The following DACH2 variants were observed in gnomAD, a reference collection of about 807,000 sequenced individuals.
The protein encoded by DACH2 is dachshund homolog 2.
In DACH2, 17 loss-of-function variants were observed where a neutral mutation model predicts 35.8. That is an observed-to-expected ratio of 0.48 (90% confidence interval 0.33 to 0.71). DACH2 has a LOEUF of 0.71. DACH2 is among the 30% of genes least tolerant of loss of function. The pLI is 0.02. For synonymous variants in DACH2, 195 were observed against 177.3 expected (o/e 1.10, Z -0.79); for missense variants, 469 against 472.7 (o/e 0.99, Z 0.07).
At chrX:86,435,387 C>T in intron 2 of DACH2, among the ~76,000 whole-genome samples, 1 of 111,891 alleles carries the variant, frequency 8.9e-6, no homozygotes, top group Non-Finnish European at 1.9e-5. Context: ...ATATTGAAAA[C>T]CTGTGCATTT....
rs1304713404 is a variant in DACH2, at chrX:86,272,465, GCAA to G, written c.489-104352_489-104350del. 4.5e-5 allele frequency among the ~76,000 whole-genome samples: 5 copies of G among 111,375 alleles called. No individual in the cohort carries two copies. In the East Asian group the frequency reaches 1.1e-3, roughly 25 times the overall value. ...TAAGACAACAGCAGCAACAGCAGCA[GCAA>G]CAACAATGAGAAAAATAGCTTTGTA... On this transcript the variant is annotated intron_variant, in intron 1 of 11. Transcript: ENST00000373125.
intron 1 of DACH2, among the ~76,000 whole-genome samples, chrX:86,222,986 TTAATATC>T (rs2032747941): frequency 2.7e-5 from 3 of 111,608 alleles, no homozygotes; most frequent in Admixed American, 1.9e-4. Context: ...AGAGAAAAGT[TTAATATC>T]TAGGGAAGAA....
chrX:86,727,876 C>T (rs868475239), intron 6 of DACH2, among the ~76,000 whole-genome samples: 33 of 111,536 alleles, frequency 3.0e-4, no homozygotes, highest in African/African-American at 7.8e-4. Flanking sequence ...TTTATAGCGA[C>T]GCAAGAAAGG....
Position 86,686,466 on chromosome X carries a change from C to T in DACH2, c.773-8555C>T, listed in dbSNP as rs745413989. Among the ~76,000 whole-genome samples, 173 of 110,205 alleles carry T rather than the reference C, an allele frequency of 1.6e-3. 1 individual carries two copies. The highest frequency in any genetic ancestry group is 4.4e-3 in the African/African-American group (132 of 30,305). On this transcript the variant is annotated intron_variant, in intron 4 of 11. Transcript: ENST00000373125. ...CAAGATGGTCTTGATCTCCTGACCT[C>T]GTGACCCACCCGCCTCGGCCTCCCA... is the stretch of plus-strand genomic sequence containing the variant.
At chrX:86,623,824 C>T (rs902280588) in intron 3 of DACH2, among the ~76,000 whole-genome samples, 2 of 96,589 alleles carry the variant, frequency 2.1e-5, no homozygotes, top group African/African-American at 3.7e-5. Context: ...CCGAGACGGG[C>T]GGATCACGAG....
At chrX:86,608,433 G>C (rs764430384) in intron 3 of DACH2, among the ~76,000 whole-genome samples, 3 of 111,765 alleles carry the variant, frequency 2.7e-5, no homozygotes, top group African/African-American at 9.8e-5. Flanking sequence ...TTTTTGATTG[G>C]TTCATTGTTT....
intron 2 of DACH2, among the ~76,000 whole-genome samples, chrX:86,408,982 A>G (rs1026777495): frequency 2.9e-4 from 33 of 112,057 alleles, no homozygotes; most frequent in African/African-American, 9.7e-4. Context: ...GTGAAAGTAC[A>G]TTAAATGTTT....
At chrX:86,631,167 GA>G (rs2040196800) in intron 3 of DACH2, among the ~76,000 whole-genome samples, 1 of 111,669 alleles carries the variant, frequency 9.0e-6, no homozygotes, top group African/African-American at 3.3e-5. Context: ...TGATACTTAA[GA>G]ACCACCGGAA....
At chrX:86,774,469 G>A (rs912109402) in intron 7 of DACH2, among the ~76,000 whole-genome samples, 2 of 112,043 alleles carry the variant, frequency 1.8e-5, no homozygotes, top group African/African-American at 6.5e-5. Context: ...CTATTAAATA[G>A]CCAAATCTAC....
At chrX:86,385,727 T>C (rs917624642) in intron 2 of DACH2, among the ~76,000 whole-genome samples, 2 of 111,241 alleles carry the variant, frequency 1.8e-5, no homozygotes, top group Admixed American at 9.6e-5. Flanking sequence ...GTGCTTTCCA[T>C]AGTTTATGAA....
chrX:86,248,798 T>A (rs2033340206), intron 1 of DACH2, among the ~76,000 whole-genome samples: 1 of 111,220 alleles, frequency 9.0e-6, no homozygotes, highest in African/African-American at 3.3e-5. Flanking sequence ...CAGACTATAC[T>A]ACAAGGCTAC....
chrX:86,463,570 C>T (rs977174301), intron 2 of DACH2, among the ~76,000 whole-genome samples: 2 of 111,000 alleles, frequency 1.8e-5, no homozygotes, highest in Admixed American at 9.7e-5. Flanking sequence ...ATCATAAAAA[C>T]CCTAGAAGAA....
At chrX:86,184,713 G>A (rs2031629793) in intron 1 of DACH2, among the ~76,000 whole-genome samples, 1 of 110,991 alleles carries the variant, frequency 9.0e-6, no homozygotes, top group East Asian at 2.8e-4. Flanking sequence ...TGTGTTAATT[G>A]GTTGAGATAG....
chrX:86,519,662 G>GT (rs1261522512), intron 3 of DACH2, among the ~76,000 whole-genome samples: 2 of 110,920 alleles, frequency 1.8e-5, no homozygotes, highest in East Asian at 5.6e-4. Flanking sequence ...TCTCTTGTAG[G>GT]TTTTTTAATT....
At chrX:86,182,374 G>A (rs1327183608) in intron 1 of DACH2, among the ~76,000 whole-genome samples, 1 of 108,951 alleles carries the variant, frequency 9.2e-6, no homozygotes, top group African/African-American at 3.4e-5. Flanking sequence ...AAGGTGTAAG[G>A]AAGGGGTCCA....
At chrX:86,617,638 T>A (rs1170913821) in intron 3 of DACH2, among the ~76,000 whole-genome samples, 2 of 111,768 alleles carry the variant, frequency 1.8e-5, no homozygotes, top group African/African-American at 6.5e-5. Flanking sequence ...GTGGTACATG[T>A]TAAGCATGCA....
intron 7 of DACH2, among the ~76,000 whole-genome samples, chrX:86,810,481 G>C (rs1368780756): frequency 9.0e-6 from 1 of 111,400 alleles, no homozygotes; most frequent in Admixed American, 9.6e-5. Flanking sequence ...AGCTTTTCCA[G>C]GCTACATAAA....
At chrX:86,277,891 A>T (rs1272085360) in intron 1 of DACH2, among the ~76,000 whole-genome samples, 1 of 50,230 alleles carries the variant, frequency 2.0e-5, no homozygotes, top group Non-Finnish European at 3.2e-5. Context: ...ACTGAGCAAA[A>T]ATAAAAAAAA....
At chrX:86,174,343 T>G (rs1602254359) in intron 1 of DACH2, among the ~76,000 whole-genome samples, 1 of 109,485 alleles carries the variant, frequency 9.1e-6, no homozygotes, top group African/African-American at 3.3e-5. Context: ...CCCAGGCTGT[T>G]CTTGAACTTC....
Sources: gnomAD v4.1 joint callset for allele counts (sites outside exome capture counted in the v4.1 genomes callset) on GRCh38, gnomAD v4.1.1 for gene constraint, MANE v1.5 for transcripts, NCBI Gene and HGNC (gene_info 2026-07-23, HGNC 2026-07-21) for gene names.